The following FAXC variants were observed in gnomAD, a reference collection of about 807,000 sequenced individuals.
The protein encoded by FAXC is failed axon connections homolog, metaxin like GST domain containing, also known as failed axon connections homolog.
FAXC carries 10 observed loss-of-function variants against 41.9 expected under a neutral mutation model. The observed-to-expected ratio is 0.24, with a 90% CI of 0.15 to 0.41. FAXC has a LOEUF of 0.41. FAXC is among the 10% of genes least tolerant of loss of function. The pLI, the probability that FAXC is intolerant of heterozygous loss-of-function variation, is 1.00. For missense variants in FAXC, 399 were observed against 510.9 expected (o/e 0.78, Z 2.11); for synonymous variants, 183 against 183.8 (o/e 1.00, Z 0.03).
chr6:99,290,825 A>C lies in FAXC; in HGVS notation c.940+879T>G, dbSNP rs576040051. Among the ~76,000 whole-genome samples the C allele has an allele frequency of 1.0e-3, 151 of 146,484 alleles. 1 individual carries two copies. Among genetic ancestry groups the C allele is most frequent in the African/African-American group, 3.7e-3 (146 of 39,858 alleles). On this transcript the variant is annotated intron_variant, in intron 5 of 5. Transcript: ENST00000389677. ...TCTACTAGTTTTGCTTTTTTTTTTT[A>C]ATTTAAGACGGAGTCTTGCTCTGTC...
intron 3 of FAXC, among the ~76,000 whole-genome samples, chr6:99,325,447 G>A (rs1582669838): frequency 6.6e-6 from 1 of 152,202 alleles, no homozygotes; most frequent in Non-Finnish European, 1.5e-5. Context: ...CTTTTGGTAA[G>A]TCTCTCAAAA....
chr6:99,307,935 A>G (rs1771990479), intron 4 of FAXC, among the ~76,000 whole-genome samples: 1 of 152,214 alleles, frequency 6.6e-6, no homozygotes, highest in Non-Finnish European at 1.5e-5. Context: ...TGACATTTAA[A>G]AAAAAAACCT....
At chr6:99,293,367 T>C (rs951015813) in intron 4 of FAXC, among the ~76,000 whole-genome samples, 4 of 152,174 alleles carry the variant, frequency 2.6e-5, no homozygotes, top group African/African-American at 7.2e-5. Context: ...CCACAACTTA[T>C]ATGTGCTCAC....
intron 4 of FAXC, among the ~76,000 whole-genome samples, chr6:99,319,135 C>T (rs1009095405): frequency 2.0e-5 from 3 of 152,142 alleles, no homozygotes; most frequent in African/African-American, 4.8e-5. Flanking sequence ...CGGTGGCTCA[C>T]GCCTGTAATC....
rs1471123560 is a variant in FAXC, at chr6:99,280,496, G to C, written c.*668C>G. The C allele has an allele frequency of 6.6e-6, 1 of 152,480 alleles. No individual in the cohort carries two copies. The highest frequency in any genetic ancestry group is 1.5e-5 in the Non-Finnish European group (1 of 68,200). 9.4% of individuals were successfully genotyped at this position (152,480 alleles called of 1,614,324 possible). ...ATCCCCACAACACCCCTGTGAGGTA[G>C]GTAGGTGGAGAGTATTGTCATCCCC... On this transcript the variant is annotated 3_prime_UTR_variant, in exon 6 of 6. Coordinates refer to ENST00000389677, the MANE Select transcript of FAXC (RefSeq NM_032511.4).
At chr6:99,310,322 T>TCA (rs1439173709) in intron 4 of FAXC, among the ~76,000 whole-genome samples, 1 of 152,254 alleles carries the variant, frequency 6.6e-6, no homozygotes. Flanking sequence ...CACAGTGCCC[T>TCA]CACGCGGCCC....
intron 3 of FAXC, among the ~76,000 whole-genome samples, chr6:99,328,337 T>C (rs1262561733): frequency 1.3e-5 from 2 of 152,196 alleles, no homozygotes; most frequent in African/African-American, 4.8e-5. Flanking sequence ...AGTGCCCTTA[T>C]AAAAGAGACC....
intron 4 of FAXC, among the ~76,000 whole-genome samples, chr6:99,309,211 T>G (rs954324536): frequency 1.4e-5 from 2 of 146,602 alleles, no homozygotes; most frequent in East Asian, 1.9e-4. Context: ...CTTGTAAGGG[T>G]TTTTTTTTTC....
rs1302664002 is a variant in FAXC at position 99,349,134 on chromosome 6, T to TA, written c.238dup (p.Tyr80LeufsTer10). The stretch of plus-strand genomic sequence containing the variant: ...AATGACCAGGAGTTCGTGGAGCAGA[T>TA]ACGCAGCTGCGGCCAGCAAAGCTCC... On this transcript the variant is annotated frameshift_variant, in exon 1 of 6. Transcript: ENST00000389677. LOFTEE classifies it high-confidence loss of function. The TA allele has an allele frequency of 6.2e-7, 1 of 1,613,648 alleles. No homozygotes were observed. The highest frequency in any genetic ancestry group is 1.1e-5 in the South Asian group (1 of 91,084).
intron 5 of FAXC, among the ~76,000 whole-genome samples, chr6:99,288,859 T>TACACACAC (rs55895848): frequency 0.02 from 2,893 of 145,762 alleles, 56 homozygotes; most frequent in East Asian, 0.083. Flanking sequence ...CACACACACA[T>TACACACAC]ACACACACAC....
chr6:99,271,489 A>C lies in FAXC; in HGVS notation c.*9675T>G, dbSNP rs1770398039. The C allele has an allele frequency of 6.6e-6, 1 of 152,334 alleles. No individual in the cohort carries two copies. Among genetic ancestry groups the C allele is most frequent in the Non-Finnish European group, 1.5e-5 (1 of 68,108 alleles). 9.4% of individuals were successfully genotyped at this position (152,334 alleles called of 1,614,324 possible). A position where few individuals can be genotyped will look rare whatever the true frequency, so the allele number is the denominator to read the frequency against. The stretch of plus-strand genomic sequence containing the variant: ...CGAGCATCCCAAATCCAAAAATCCA[A>C]AATCTGAAACGCTCCAAAATCCAAA... On this transcript the variant is annotated 3_prime_UTR_variant, in exon 6 of 6. Coordinates refer to ENST00000389677, the MANE Select transcript of FAXC (RefSeq NM_032511.4).
intron 4 of FAXC, among the ~76,000 whole-genome samples, chr6:99,305,869 A>G (rs547390624): frequency 5.0e-4 from 76 of 152,170 alleles, no homozygotes; most frequent in Non-Finnish European, 9.3e-4. Flanking sequence ...TATTTACAAG[A>G]CATGGCTCTG....
At position 99,349,597 on chromosome 6, in the gene FAXC, G is replaced by GGGC. The variant is rs1773730938; in HGVS notation, c.-228_-226dup. Reference sequence around the variant, plus strand: ...CTGGCCGGCGGGGCCCCAGAGCCCTGGGCGGCAGCAGCGGCCGCCGGCTCC... The same window carrying GGGC: ...CTGGCCGGCGGGGCCCCAGAGCCCTGGGCGGCGGCAGCAGCGGCCGCCGGCTCC... On this transcript the variant is annotated 5_prime_UTR_variant, in exon 1 of 6. Coordinates refer to ENST00000389677, the MANE Select transcript of FAXC (RefSeq NM_032511.4). 1 of 163,042 alleles carries GGGC rather than the reference G, an allele frequency of 6.1e-6. No homozygotes were observed. Among genetic ancestry groups the GGGC allele is most frequent in the Non-Finnish European group, 1.3e-5 (1 of 77,706 alleles). 10.1% of individuals were successfully genotyped at this position (163,042 alleles called of 1,614,324 possible). A position where few individuals can be genotyped will look rare whatever the true frequency, so the allele number is the denominator to read the frequency against.
At chr6:99,311,642 AC>A (rs1215452336) in intron 4 of FAXC, among the ~76,000 whole-genome samples, 1 of 151,820 alleles carries the variant, frequency 6.6e-6, no homozygotes, top group African/African-American at 2.4e-5. Flanking sequence ...AACTAGAAAG[AC>A]CTCCCATTTC....
chr6:99,342,479 G>C (rs1041800775), intron 2 of FAXC, among the ~76,000 whole-genome samples: 1 of 151,964 alleles, frequency 6.6e-6, no homozygotes. Flanking sequence ...CAGGTAGCTG[G>C]GATTACAGGC....
chr6:99,283,018 G>T (rs897739596), intron 5 of FAXC, among the ~76,000 whole-genome samples: 1 of 152,122 alleles, frequency 6.6e-6, no homozygotes, highest in African/African-American at 2.4e-5. Context: ...TGATCACAGT[G>T]ATAAGTGCAC....
At chr6:99,340,827 C>A (rs1457775122) in intron 2 of FAXC, among the ~76,000 whole-genome samples, 1 of 151,938 alleles carries the variant, frequency 6.6e-6, no homozygotes, top group Non-Finnish European at 1.5e-5. Context: ...CACCACCACA[C>A]CTGGCTAATT....
intron 2 of FAXC, among the ~76,000 whole-genome samples, chr6:99,339,713 A>G (rs1387188958): frequency 1.3e-5 from 2 of 152,162 alleles, no homozygotes; most frequent in Admixed American, 6.5e-5. Context: ...CAAACAAACA[A>G]CAACAACAAA....
At chr6:99,323,730 CT>C in intron 3 of FAXC, 63 bp from the exon 4 acceptor site, 1 of 1,286,740 alleles carries the variant, frequency 7.8e-7, no homozygotes, top group Non-Finnish European at 1.1e-6. Flanking sequence ...CACAGGGTCA[CT>C]TTAGAATGAG....
Sources: gnomAD v4.1 joint callset for allele counts (sites outside exome capture counted in the v4.1 genomes callset) on GRCh38, gnomAD v4.1.1 for gene constraint, MANE v1.5 for transcripts, NCBI Gene and HGNC (gene_info 2026-07-23, HGNC 2026-07-21) for gene names.